OPCML: variants seen among roughly 807,000 people sequenced by gnomAD.
OPCML encodes opioid binding protein/cell adhesion molecule like, also known as opioid-binding protein/cell adhesion molecule.
A neutral mutation model predicts 37.8 loss-of-function variants in OPCML; 13 were observed. That is an observed-to-expected ratio of 0.34 (90% CI 0.22 to 0.55). The LOEUF (loss-of-function observed/expected upper bound fraction) is 0.55. Ranked by LOEUF, OPCML falls within the 20% of genes least tolerant of loss-of-function variation. The probability of loss-of-function intolerance (pLI) is 0.91; values close to 1 mark genes in which losing one functional copy is unlikely to be tolerated. For missense variants in OPCML, 341 were observed against 435.6 expected, an observed-to-expected ratio of 0.78 and a Z score of 1.93; for synonymous variants, 176 against 168.8, an observed-to-expected ratio of 1.04 and a Z score of -0.33.
At chr11:133,501,324 C>T (rs916089978) in intron 1 of OPCML, among the ~76,000 whole-genome samples, 12 of 152,292 alleles carry the variant, frequency 7.9e-5, no homozygotes, top group Non-Finnish European at 1.8e-4. Context: ...GAAATCCAAA[C>T]ACACGTCATG....
At chr11:133,150,949 G>A (rs1949973371) in intron 1 of OPCML, among the ~76,000 whole-genome samples, 1 of 152,022 alleles carries the variant, frequency 6.6e-6, no homozygotes, top group African/African-American at 2.4e-5. Context: ...CTTCTAGAAA[G>A]AGAGTGGCCT....
chr11:132,992,524 A>G (rs1320932508), intron 1 of OPCML, among the ~76,000 whole-genome samples: 3 of 152,112 alleles, frequency 2.0e-5, no homozygotes. Flanking sequence ...TGTTTTAAGC[A>G]TCGAGGGTGC....
At chr11:133,420,484 A>G (rs1945864327) in intron 1 of OPCML, 1 of 984,660 alleles carries the variant, frequency 1.0e-6, no homozygotes, top group South Asian at 4.7e-5. Context: ...CTTCTTTAGG[A>G]CTTTTATTTT....
intron 1 of OPCML, among the ~76,000 whole-genome samples, chr11:133,182,643 A>G (rs1937889864): frequency 6.6e-6 from 1 of 152,182 alleles, no homozygotes; most frequent in Non-Finnish European, 1.5e-5. Flanking sequence ...AACAGTGGCA[A>G]TGTCACCTGT....
intron 1 of OPCML, among the ~76,000 whole-genome samples, chr11:133,518,802 GGGCTGGGCTGTGAACAGT>G (rs1948343433): frequency 6.6e-6 from 1 of 152,052 alleles, no homozygotes; most frequent in South Asian, 2.1e-4. Context: ...GGTGTGTTGG[GGGCTGGGCTGTGAACAGT>G]GGCAGGTTGG....
chr11:132,477,528 TC>T (rs2136993082), intron 4 of OPCML, among the ~76,000 whole-genome samples: 1 of 152,280 alleles, frequency 6.6e-6, no homozygotes, highest in East Asian at 1.9e-4. Flanking sequence ...CAACTGTCAT[TC>T]TGGAAAGCTT....
intron 3 of OPCML, among the ~76,000 whole-genome samples, chr11:132,623,959 T>C (rs1939582927): frequency 6.6e-6 from 1 of 152,214 alleles, no homozygotes; most frequent in Non-Finnish European, 1.5e-5. Context: ...GATGGATTGC[T>C]CTTTTCAATT....
chr11:132,719,640 G>C (rs1386542520), intron 2 of OPCML, among the ~76,000 whole-genome samples: 1 of 152,206 alleles, frequency 6.6e-6, no homozygotes, highest in Non-Finnish European at 1.5e-5. Context: ...CAGGAGAACA[G>C]CTTCTTCCCC....
At chr11:133,126,329 C>T (rs1051317612) in intron 1 of OPCML, among the ~76,000 whole-genome samples, 7 of 152,136 alleles carry the variant, frequency 4.6e-5, no homozygotes, top group Non-Finnish European at 8.8e-5. Flanking sequence ...CCTCGATGGA[C>T]TGGATGATGC....
chr11:132,666,200 G>T (rs1942207935), intron 2 of OPCML, among the ~76,000 whole-genome samples: 1 of 152,190 alleles, frequency 6.6e-6, no homozygotes, highest in Non-Finnish European at 1.5e-5. Flanking sequence ...TCACGGCTCT[G>T]CAGGCTGTAG....
chr11:132,579,185 AG>A (rs2096457119), intron 3 of OPCML, among the ~76,000 whole-genome samples: 1 of 152,136 alleles, frequency 6.6e-6, no homozygotes, highest in African/African-American at 2.4e-5. Context: ...CAAAGTCTCC[AG>A]GTTGTCTATC....
intron 4 of OPCML, among the ~76,000 whole-genome samples, chr11:132,479,756 C>T (rs942966096): frequency 3.3e-5 from 5 of 152,150 alleles, no homozygotes; most frequent in African/African-American, 1.2e-4. Context: ...CACCCCCCAG[C>T]AGGGGCAGAC....
chr11:132,797,944 C>T (rs969937730), intron 2 of OPCML, among the ~76,000 whole-genome samples: 5 of 152,124 alleles, frequency 3.3e-5, no homozygotes, highest in Admixed American at 3.3e-4. Flanking sequence ...TTGATTGACT[C>T]TTCCTTTCAT....
intron 2 of OPCML, among the ~76,000 whole-genome samples, chr11:132,930,059 C>T (rs1945146814): frequency 6.6e-6 from 1 of 152,076 alleles, no homozygotes; most frequent in African/African-American, 2.4e-5. Context: ...GGCATTCTAC[C>T]TGAAGCAATA....
chr11:133,125,416 G>A (rs977050849), intron 1 of OPCML, among the ~76,000 whole-genome samples: 8 of 151,600 alleles, frequency 5.3e-5, no homozygotes, highest in African/African-American at 1.2e-4. Context: ...CATCAGCTAC[G>A]TATTCATGTT....
At chr11:133,222,932 C>A (rs1159831675) in intron 1 of OPCML, among the ~76,000 whole-genome samples, 1 of 152,120 alleles carries the variant, frequency 6.6e-6, no homozygotes, top group African/African-American at 2.4e-5. Context: ...CCGATTAGCC[C>A]TCCCCAGGTC....
intron 3 of OPCML, among the ~76,000 whole-genome samples, chr11:132,540,464 TA>T (rs2096353482): frequency 1.3e-5 from 2 of 152,164 alleles, no homozygotes. Context: ...AAATTGGAAC[TA>T]GGTGAGTTGT....
chr11:133,038,368 T>C (rs1947822455), intron 1 of OPCML, among the ~76,000 whole-genome samples: 1 of 152,358 alleles, frequency 6.6e-6, no homozygotes, highest in South Asian at 2.1e-4. Context: ...TAGGCTTTGG[T>C]TTCTTTATCT....
intron 1 of OPCML, among the ~76,000 whole-genome samples, chr11:133,293,456 G>C (rs1171682456): frequency 1.3e-5 from 2 of 152,220 alleles, no homozygotes; most frequent in Non-Finnish European, 2.9e-5. Flanking sequence ...GTATATGCCT[G>C]ATAGGTAATT....
Sources: gnomAD v4.1 joint callset for allele counts (sites outside exome capture counted in the v4.1 genomes callset) on GRCh38, gnomAD v4.1.1 for gene constraint, MANE v1.5 for transcripts, NCBI Gene and HGNC (gene_info 2026-07-23, HGNC 2026-07-21) for gene names.